SLC8A1: variants seen among roughly 807,000 people sequenced by gnomAD.
SLC8A1 encodes the protein solute carrier family 8 member A1.
Under a neutral mutation model 68.3 loss-of-function variants are expected in SLC8A1, and 18 were observed. That is an observed-to-expected ratio of 0.26 (90% CI 0.18 to 0.39). The LOEUF is 0.39. SLC8A1 is among the 10% of genes least tolerant of loss of function. SLC8A1 has a pLI of 1.00. For synonymous variants in SLC8A1, 475 were observed against 415.5 expected (o/e 1.14, Z -1.74); for missense variants, 985 against 1,156.7 (o/e 0.85, Z 2.15).
At chr2:40,395,319 C>G (rs1451733055) in intron 2 of SLC8A1, among the ~76,000 whole-genome samples, 1 of 152,150 alleles carries the variant, frequency 6.6e-6, no homozygotes, top group East Asian at 1.9e-4. Context: ...AATCAGATCT[C>G]AAATCTGATC....
chr2:40,499,774 T>C (rs1705933394), intron 1 of SLC8A1, among the ~76,000 whole-genome samples: 1 of 152,212 alleles, frequency 6.6e-6, no homozygotes, highest in Non-Finnish European at 1.5e-5. Context: ...TCCATACATG[T>C]CTCTGACTTC....
chr2:40,332,818 T>C (rs1408817742), intron 2 of SLC8A1, among the ~76,000 whole-genome samples: 3 of 152,228 alleles, frequency 2.0e-5, no homozygotes, highest in Non-Finnish European at 4.4e-5. Flanking sequence ...TCCAGAGTTA[T>C]GTGTTATCAG....
intron 2 of SLC8A1, among the ~76,000 whole-genome samples, chr2:40,233,868 G>T (rs572399415): frequency 6.6e-4 from 100 of 151,606 alleles, no homozygotes; most frequent in African/African-American, 2.3e-3. Flanking sequence ...TTTCCCCATT[G>T]CTTGTTTTTC....
At chr2:40,469,337 A>T (rs36079027) in intron 1 of SLC8A1, among the ~76,000 whole-genome samples, 12,602 of 152,078 alleles carry the variant, frequency 0.083, 827 homozygotes, top group East Asian at 0.31. Flanking sequence ...TCTGATGGTT[A>T]AAAAGTGTGT....
At chr2:40,506,449 C>A (rs1706375270) in intron 1 of SLC8A1, among the ~76,000 whole-genome samples, 1 of 151,876 alleles carries the variant, frequency 6.6e-6, no homozygotes, top group African/African-American at 2.4e-5. Flanking sequence ...TGAACATAAG[C>A]TAAATTCATA....
chr2:40,309,164 G>A (rs937196510), intron 2 of SLC8A1, among the ~76,000 whole-genome samples: 1 of 152,136 alleles, frequency 6.6e-6, no homozygotes, highest in South Asian at 2.1e-4. Flanking sequence ...CACATACCAA[G>A]GTGACAGTGC....
At chr2:40,481,107 G>C (rs1704599085) in intron 1 of SLC8A1, among the ~76,000 whole-genome samples, 1 of 152,182 alleles carries the variant, frequency 6.6e-6, no homozygotes, top group African/African-American at 2.4e-5. Context: ...ATATTTTCTT[G>C]TGTGTGTTTA....
At chr2:40,272,482 A>C (rs2066168630) in intron 2 of SLC8A1, among the ~76,000 whole-genome samples, 1 of 152,162 alleles carries the variant, frequency 6.6e-6, no homozygotes, top group South Asian at 2.1e-4. Context: ...TAATAACAGA[A>C]GCTCCTTAGG....
chr2:40,288,972 T>C lies in SLC8A1; in HGVS notation c.1809-111117A>G, dbSNP rs550857494. Reference sequence around the variant, plus strand: ...AACTTGGCCTCCCAAAATGTCAGTATGTTGGGATTAGGCGTGAGCCACTGG... The same window carrying C: ...AACTTGGCCTCCCAAAATGTCAGTACGTTGGGATTAGGCGTGAGCCACTGG... On this transcript the variant is annotated intron_variant, in intron 2 of 7. Coordinates refer to ENST00000406785, the Ensembl canonical transcript of SLC8A1. Among the ~76,000 whole-genome samples, 319 of 151,530 alleles carry C rather than the reference T, an allele frequency of 2.1e-3. 1 individual carries two copies. The highest frequency in any genetic ancestry group is 7.1e-3 in the African/African-American group (293 of 41,254).
intron 2 of SLC8A1, among the ~76,000 whole-genome samples, chr2:40,378,332 G>A (rs1439413543): frequency 2.6e-5 from 4 of 152,144 alleles, no homozygotes; most frequent in African/African-American, 9.6e-5. Flanking sequence ...AAGCAGGTAT[G>A]TGGAAGAAAA....
At chr2:40,378,502 G>A (rs1680680283) in intron 2 of SLC8A1, among the ~76,000 whole-genome samples, 1 of 152,152 alleles carries the variant, frequency 6.6e-6, no homozygotes, top group Non-Finnish European at 1.5e-5. Flanking sequence ...GCTTTGTGGA[G>A]TTTTTACTCT....
At chr2:40,306,607 T>C (rs1014899057) in intron 2 of SLC8A1, among the ~76,000 whole-genome samples, 1 of 152,226 alleles carries the variant, frequency 6.6e-6, no homozygotes, top group Non-Finnish European at 1.5e-5. Context: ...ATATTCACAG[T>C]TGCCAAAGGA....
chr2:40,197,180 G>T (rs1182981188), intron 2 of SLC8A1, among the ~76,000 whole-genome samples: 1 of 151,922 alleles, frequency 6.6e-6, no homozygotes, highest in African/African-American at 2.4e-5. Flanking sequence ...CCCATTTGGG[G>T]GCCAGATGAA....
intron 4 of SLC8A1, among the ~76,000 whole-genome samples, chr2:40,165,203 A>G (rs1036038287): frequency 7.2e-5 from 11 of 152,198 alleles, no homozygotes; most frequent in Non-Finnish European, 1.3e-4. Flanking sequence ...TCACAATCTA[A>G]GCTCATGCAA....
intron 2 of SLC8A1, among the ~76,000 whole-genome samples, chr2:40,237,005 C>G (rs974504247): frequency 1.3e-5 from 2 of 149,562 alleles, no homozygotes; most frequent in African/African-American, 5.0e-5. Context: ...TGAGGGTAAC[C>G]CGACCTTTCT....
intron 1 of SLC8A1, among the ~76,000 whole-genome samples, chr2:40,450,815 T>C (rs948875796): frequency 3.9e-5 from 6 of 152,344 alleles, no homozygotes; most frequent in Admixed American, 3.3e-4. Context: ...GACTTTCCAA[T>C]GACTGCGTAC....
intron 2 of SLC8A1, among the ~76,000 whole-genome samples, chr2:40,272,892 T>C (rs2149143891): frequency 6.6e-6 from 1 of 152,306 alleles, no homozygotes; most frequent in Non-Finnish European, 1.5e-5. Context: ...CAAGATGTCT[T>C]ATGCAAAGTT....
intron 6 of SLC8A1, among the ~76,000 whole-genome samples, chr2:40,154,898 C>A (rs1249791379): frequency 6.6e-6 from 1 of 152,070 alleles, no homozygotes; most frequent in Non-Finnish European, 1.5e-5. Flanking sequence ...CTCCTTGGCT[C>A]AAGTGAGAAA....
chr2:40,457,975 G>C (rs1703121921), intron 1 of SLC8A1, among the ~76,000 whole-genome samples: 1 of 152,140 alleles, frequency 6.6e-6, no homozygotes, highest in Admixed American at 6.5e-5. Flanking sequence ...AAAAAATACT[G>C]AAAGCTGGGT....
Sources: allele counts gnomAD v4.1 joint callset (sites outside exome capture counted in the v4.1 genomes callset), GRCh38; gene constraint gnomAD v4.1.1; transcripts MANE v1.5; gene names NCBI Gene and HGNC (gene_info 2026-07-23, HGNC 2026-07-21).